DLC1: variants seen among roughly 807,000 people sequenced by gnomAD.
DLC1 encodes the protein DLC1 Rho GTPase activating protein, also known as rho GTPase-activating protein 7.
DLC1 carries 54 observed loss-of-function variants against 140.3 expected under a neutral mutation model. That is an observed-to-expected ratio of 0.38 (90% CI 0.31 to 0.48). DLC1 has a LOEUF of 0.48. Among genes scored for constraint, DLC1 ranks in the 20% least tolerant of loss-of-function variants. The pLI is 0.96. For synonymous variants in DLC1, 986 were observed against 728.1 expected (o/e 1.35, Z -5.70); for missense variants, 2,536 against 1,907.0 (o/e 1.33, Z -6.14).
chr8:13,213,942 C>T (rs1431443763), intron 5 of DLC1, among the ~76,000 whole-genome samples: 3 of 151,998 alleles, frequency 2.0e-5, no homozygotes, highest in African/African-American at 4.8e-5. Flanking sequence ...TCCCACCATG[C>T]CTGGCTAATT....
chr8:13,201,030 T>C (rs577011801), intron 5 of DLC1, among the ~76,000 whole-genome samples: 21 of 152,280 alleles, frequency 1.4e-4, no homozygotes, highest in Middle Eastern at 3.4e-3. Context: ...GTGGGTTTCA[T>C]GTGGATAGTT....
chr8:13,523,484 C>T (rs1802820035), intron 1 of DLC1, among the ~76,000 whole-genome samples: 1 of 152,000 alleles, frequency 6.6e-6, no homozygotes, highest in Admixed American at 6.6e-5. Context: ...GTTAAAGAGG[C>T]AGTTGGACAT....
At chr8:13,463,617 T>C (rs971890502) in intron 2 of DLC1, among the ~76,000 whole-genome samples, 2 of 152,218 alleles carry the variant, frequency 1.3e-5, no homozygotes, top group South Asian at 2.1e-4. Context: ...AAGAATTCTT[T>C]TGTGCTTGGT....
At chr8:13,191,009 A>T (rs967014268) in intron 5 of DLC1, among the ~76,000 whole-genome samples, 2 of 151,554 alleles carry the variant, frequency 1.3e-5, no homozygotes, top group African/African-American at 2.4e-5. Context: ...GTGCTGGGGG[A>T]TTATATTGGG....
chr8:13,111,039 A>C (rs1387466357), intron 6 of DLC1, among the ~76,000 whole-genome samples: 1 of 152,164 alleles, frequency 6.6e-6, no homozygotes, highest in Non-Finnish European at 1.5e-5. Context: ...TGTGGGGGAA[A>C]CTCAAAATAT....
upstream of DLC1, chr8:13,515,407 C>A (rs1403828608): frequency 2.0e-5 from 3 of 152,168 alleles, no homozygotes; most frequent in Admixed American, 2.0e-4. Flanking sequence ...TCACAAGAAT[C>A]CTTCACAGAA....
chr8:13,122,473 G>A (rs974080369), intron 5 of DLC1, among the ~76,000 whole-genome samples: 2 of 151,658 alleles, frequency 1.3e-5, no homozygotes, highest in African/African-American at 4.9e-5. Context: ...TTACAGAGAG[G>A]TTGGTGTGAA....
At chr8:13,237,230 T>C (rs199993425) in intron 5 of DLC1, among the ~76,000 whole-genome samples, 10 of 103,820 alleles carry the variant, frequency 9.6e-5, no homozygotes, top group Admixed American at 3.1e-4. Flanking sequence ...TGTGTATACA[T>C]ATATATATAT....
intron 4 of DLC1, among the ~76,000 whole-genome samples, chr8:13,390,165 G>T (rs1185145346): frequency 6.6e-6 from 1 of 152,074 alleles, no homozygotes; most frequent in African/African-American, 2.4e-5. Context: ...GAACTGTAGT[G>T]AAAAGGGTGT....
chr8:13,365,808 A>T (rs1319510082), intron 4 of DLC1, among the ~76,000 whole-genome samples: 1 of 152,184 alleles, frequency 6.6e-6, no homozygotes, highest in Non-Finnish European at 1.5e-5. Flanking sequence ...GCTAATGGAA[A>T]TGTCAACCTC....
intron 5 of DLC1, among the ~76,000 whole-genome samples, chr8:13,168,457 G>A (rs1825244066): frequency 6.6e-6 from 1 of 152,074 alleles, no homozygotes; most frequent in African/African-American, 2.4e-5. Context: ...GTAGCAACTT[G>A]GTGCTATTTC....
intron 5 of DLC1, among the ~76,000 whole-genome samples, chr8:13,142,768 T>C (rs1051912384): frequency 6.6e-6 from 1 of 152,166 alleles, no homozygotes; most frequent in African/African-American, 2.4e-5. Context: ...AAAACTGGCA[T>C]GCCAGGCAAG....
intron 5 of DLC1, among the ~76,000 whole-genome samples, chr8:13,265,426 C>T (rs183194942): frequency 3.3e-5 from 5 of 152,106 alleles, no homozygotes; most frequent in East Asian, 1.9e-4. Flanking sequence ...CATGGAAGGC[C>T]GCGAAGGTTC....
chr8:13,432,942 C>CTTTTTTTT (rs35776848), intron 2 of DLC1, among the ~76,000 whole-genome samples: 6 of 93,004 alleles, frequency 6.5e-5, no homozygotes, highest in Non-Finnish European at 1.0e-4. Flanking sequence ...TCCTCTCTTC[C>CTTTTTTTT]TTTTTTTTTT....
chr8:13,258,665 C>T (rs1830355068), intron 5 of DLC1, among the ~76,000 whole-genome samples: 2 of 152,170 alleles, frequency 1.3e-5, no homozygotes, highest in Admixed American at 6.5e-5. Context: ...TGTTGCAGTA[C>T]TTCAAAGTAT....
At chr8:13,567,147 G>T (rs1233549614) in intron 1 of DLC1, 1 of 1,551,644 alleles carries the variant, frequency 6.4e-7, no homozygotes, top group East Asian at 2.4e-5. Flanking sequence ...TGACCTCTGG[G>T]AGCAAACTGG....
At position 13,500,168 on chromosome 8, in the gene DLC1, G is replaced by T; in HGVS notation, c.-97C>A. The T allele has an allele frequency of 8.9e-7, 1 of 1,127,352 alleles. No individual in the cohort carries two copies. The highest frequency in any genetic ancestry group is 1.3e-6 in the Non-Finnish European group (1 of 796,926). The allele number at this position is 1,127,352 out of a possible 1,614,324, so 69.8% of individuals were successfully genotyped here. ...GATTATTTCAAAATCACCAATCAAA[G>T]AAGCGAATGAGTTCTGTCATTTCAC... On this transcript the variant is annotated 5_prime_UTR_variant, in exon 2 of 18. Transcript: ENST00000276297.
At position 13,453,422 on chromosome 8, in the gene DLC1, A is replaced by ATATTTTTTTTTTTTTTTTTTTTTTTTTTT. The variant is rs1554523043; in HGVS notation, c.1023+45626_1023+45627insAAAAAAAAAAAAAAAAAAAAAAAAAAATA. ...TATATGTGTATATATATATATATAT[A>ATATTTTTTTTTTTTTTTTTTTTTTTTTTT]TGTGTATATATATATGTATATATAT... On this transcript the variant is annotated intron_variant, in intron 2 of 17. Transcript: ENST00000276297. Among the ~76,000 whole-genome samples, 17 of 32,564 alleles carry ATATTTTTTTTTTTTTTTTTTTTTTTTTTT rather than the reference A, an allele frequency of 5.2e-4. 2 individuals are homozygous for ATATTTTTTTTTTTTTTTTTTTTTTTTTTT. Among genetic ancestry groups the ATATTTTTTTTTTTTTTTTTTTTTTTTTTT allele is most frequent in the African/African-American group, 2.4e-3 (15 of 6,244 alleles). 21.4% of individuals were successfully genotyped at this position (32,564 alleles called of 152,430 possible).
chr8:13,561,643 T>C (rs1307682014), intron 1 of DLC1, among the ~76,000 whole-genome samples: 1 of 152,214 alleles, frequency 6.6e-6, no homozygotes, highest in Non-Finnish European at 1.5e-5. Context: ...TCTATTCATT[T>C]ACCTGCTTAT....
Sources: gnomAD v4.1 joint callset for allele counts (sites outside exome capture counted in the v4.1 genomes callset) on GRCh38, gnomAD v4.1.1 for gene constraint, MANE v1.5 for transcripts, NCBI Gene and HGNC (gene_info 2026-07-23, HGNC 2026-07-21) for gene names.